LRRC26: variants seen among roughly 807,000 people sequenced by gnomAD.
LRRC26 encodes the protein leucine rich repeat containing 26.
In LRRC26, 17 loss-of-function variants were observed where a neutral mutation model predicts 15.3. The observed-to-expected ratio is 1.11, with a 90% CI of 0.76 to 1.66. The LOEUF is 1.66. Among genes scored for constraint, LRRC26 ranks in the 40% most tolerant of loss-of-function variants. The pLI, the probability that LRRC26 is intolerant of heterozygous loss-of-function variation, is 0.00. For missense variants in LRRC26, 573 were observed against 501.0 expected (o/e 1.14, Z -1.37); for synonymous variants, 301 against 272.1 (o/e 1.11, Z -1.05).
In LRRC26 at chr9:137,169,635, G is replaced by C. The variant is rs768322714; in HGVS notation, c.309C>G (p.Arg103=). 2.8e-5 allele frequency: 43 copies of C among 1,513,576 alleles called. No homozygotes were observed. The highest frequency in any genetic ancestry group is 3.6e-5 in the Non-Finnish European group (41 of 1,137,542). The allele number at this position is 1,513,576 out of a possible 1,614,324, so 93.8% of individuals were successfully genotyped here. Reference sequence around the variant, plus strand: ...CATGCACCGAGTGCAGCCCGTTCTCGCGCAGGTCCAGGCGCTGTAGCGCGC... The same window carrying C: ...CATGCACCGAGTGCAGCCCGTTCTCCCGCAGGTCCAGGCGCTGTAGCGCGC... ...GAGALQRLDL[R]ENGLHSVHVR... The change falls in exon 1 of 2, where the codon CGC becomes CGG. Residue 103 remains arginine (R), a synonymous_variant. Transcript: ENST00000371542.
chr9:137,169,952 C>T lies in LRRC26; in HGVS notation c.-9G>A, dbSNP rs965425138. 4.3e-6 allele frequency: 6 copies of T among 1,403,604 alleles called. No homozygotes were observed. Among genetic ancestry groups the T allele is most frequent in the East Asian group, 3.0e-5 (1 of 33,072 alleles). 86.9% of individuals were successfully genotyped at this position (1,403,604 alleles called of 1,614,324 possible). A position where few individuals can be genotyped will look rare whatever the true frequency, so the allele number is the denominator to read the frequency against. On this transcript the variant is annotated 5_prime_UTR_variant, in exon 1 of 2. Transcript: ENST00000371542. The stretch of plus-strand genomic sequence containing the variant: ...CAGGAAGGGCCCCGCATGGGGGCAG[C>T]CCCCCCGCCCCCGGCACCCGCGGTG...
In LRRC26 at chr9:137,168,920, A is replaced by G. The variant is rs1202332264; in HGVS notation, c.939T>C (p.Asp313=). Residue 313 remains aspartate, a synonymous_variant, in exon 2 of 2, where the codon GAT becomes GAC. Transcript: ENST00000371542. Reference sequence around the variant, plus strand: ...GCGAGGCACAGCCGTGGGGGTCGGGATCGGGGTTCGGGTCTGGCGGTCTCG... The same window carrying G: ...GCGAGGCACAGCCGTGGGGGTCGGGGTCGGGGTTCGGGTCTGGCGGTCTCG... ...RPPRPPDPNP[D]PDPHGCASPA... is the part of the protein sequence containing the mutation. The G allele has an allele frequency of 7.5e-7, 1 of 1,341,394 alleles. No individual in the cohort carries two copies. Among genetic ancestry groups the G allele is most frequent in the Middle Eastern group, 2.7e-4 (1 of 3,662 alleles). The allele number at this position is 1,341,394 out of a possible 1,614,324, so 83.1% of individuals were successfully genotyped here.
chr9:137,168,948 G>A lies in LRRC26; in HGVS notation c.911C>T (p.Pro304Leu), dbSNP rs1834017875. ...GGGGTTCGGGTCTGGCGGTCTCGGC[G>A]GGCGGAGGGCGGCGGTGCGGAGGCG... ...RRRLRTAALR[P>L]PRPPDPNPDP... The change falls in exon 2 of 2, where the codon CCG becomes CTG. Residue 304 changes from proline to leucine, a missense_variant. Transcript: ENST00000371542. 4.3e-6 allele frequency: 6 copies of A among 1,387,318 alleles called. No individual in the cohort carries two copies. Among genetic ancestry groups the A allele is most frequent in the Non-Finnish European group, 3.7e-6 (4 of 1,078,158 alleles). The allele number at this position is 1,387,318 out of a possible 1,614,324, so 85.9% of individuals were successfully genotyped here.
chr9:137,169,263 C>T lies in LRRC26; in HGVS notation c.673+8G>A. On this transcript the variant is annotated splice_region_variant and intron_variant, in intron 1 of 1. Coordinates refer to ENST00000371542, the MANE Select transcript of LRRC26 (RefSeq NM_001013653.3). The stretch of plus-strand genomic sequence containing the variant: ...TGCAGACCCCGACCCGCGTCCCCAG[C>T]AGCTCACCTGACGCGGGCAGCGGGT... 7.3e-7 allele frequency: 1 copy of T among 1,373,186 alleles called. No homozygotes were observed. The highest frequency in any genetic ancestry group is 9.3e-7 in the Non-Finnish European group (1 of 1,071,634). The allele number at this position is 1,373,186 out of a possible 1,614,324, so 85.1% of individuals were successfully genotyped here. A position where few individuals can be genotyped will look rare whatever the true frequency, so the allele number is the denominator to read the frequency against.
Position 137,169,026 on chromosome 9 carries a change from GC to G in LRRC26, c.832del (p.Ala278LeufsTer?). On this transcript the variant is annotated frameshift_variant, in exon 2 of 2. Coordinates refer to ENST00000371542, the MANE Select transcript of LRRC26 (RefSeq NM_001013653.3). LOFTEE classifies it low-confidence loss of function (END_TRUNC). ...LGPASFLVSL[A>X]SCLALGSGLT... Reference sequence around the variant, plus strand: ...CCCAGAGCCCAGCGCCAGGCAGGAAGCCAGGCTGACGAGGAAGGAGGCCGGC... The same window carrying G: ...CCCAGAGCCCAGCGCCAGGCAGGAAGCAGGCTGACGAGGAAGGAGGCCGGC... The G allele has an allele frequency of 6.6e-7, 1 of 1,520,224 alleles. No individual in the cohort carries two copies. The highest frequency in any genetic ancestry group is 8.8e-7 in the Non-Finnish European group (1 of 1,140,922). The allele number at this position is 1,520,224 out of a possible 1,614,324, so 94.2% of individuals were successfully genotyped here.
At position 137,169,356 on chromosome 9, in the gene LRRC26, C is replaced by A; in HGVS notation, c.588G>T (p.Leu196=). 1 of 1,470,932 alleles carries A rather than the reference C, an allele frequency of 6.8e-7. No individual in the cohort carries two copies. Among genetic ancestry groups the A allele is most frequent in the Non-Finnish European group, 8.9e-7 (1 of 1,120,218 alleles). The allele number at this position is 1,470,932 out of a possible 1,614,324, so 91.1% of individuals were successfully genotyped here. ...AGCCCCAAGGGTTGCCGCGCAGGTGCAGCGCGTCTAGAGCGGGCAGGCGGC... is the reference window on the plus strand; with the variant it reads ...AGCCCCAAGGGTTGCCGCGCAGGTGAAGCGCGTCTAGAGCGGGCAGGCGGC... ...LLGRLPALDA[L]HLRGNPWGCG... Residue 196 remains leucine, a synonymous_variant, in exon 1 of 2, where the codon CTG becomes CTT. Transcript: ENST00000371542.
Position 137,169,628 on chromosome 9 carries a change from C to T in LRRC26, c.316G>A (p.Gly106Arg). 6.6e-7 allele frequency: 1 copy of T among 1,514,968 alleles called. No homozygotes were observed. The highest frequency in any genetic ancestry group is 2.7e-5 in the East Asian group (1 of 37,508). 93.8% of individuals were successfully genotyped at this position (1,514,968 alleles called of 1,614,324 possible). A position where few individuals can be genotyped will look rare whatever the true frequency, so the allele number is the denominator to read the frequency against. The change falls in exon 1 of 2, where the codon GGG becomes AGG. Residue 106 changes from glycine (G) to arginine (R), a missense_variant. Gly to Arg is a moderately radical substitution (Grantham distance 125). Coordinates refer to ENST00000371542, the MANE Select transcript of LRRC26 (RefSeq NM_001013653.3). ...ALQRLDLREN[G>R]LHSVHVRAFW... ...GCTCGCACATGCACCGAGTGCAGCC[C>T]GTTCTCGCGCAGGTCCAGGCGCTGT...
Position 137,169,913 on chromosome 9 carries a change from G to A in LRRC26, c.31C>T (p.Pro11Ser), listed in dbSNP as rs1408052986. Residue 11 changes from proline (P) to serine (S), a missense_variant, in exon 1 of 2, where the codon CCG (proline) becomes TCG (serine). Pro to Ser is a moderately conservative substitution (Grantham distance 74). Coordinates refer to ENST00000371542, the MANE Select transcript of LRRC26 (RefSeq NM_001013653.3). MRGPSWSRPR[P>S]LLLLLLLLSP... is the part of the protein sequence containing the mutation. ...AGCAGCAGCAACAGCAGCAGCAGCG[G>A]CCGAGGCCGCGACCAGGAAGGGCCC... 1.4e-6 allele frequency: 2 copies of A among 1,471,118 alleles called. No individual in the cohort carries two copies. Among genetic ancestry groups the A allele is most frequent in the Non-Finnish European group, 1.8e-6 (2 of 1,120,944 alleles). 91.1% of individuals were successfully genotyped at this position (1,471,118 alleles called of 1,614,324 possible). A position where few individuals can be genotyped will look rare whatever the true frequency, so the allele number is the denominator to read the frequency against.
chr9:137,169,818 G>A lies in LRRC26; in HGVS notation c.126C>T (p.Asp42=). Reference sequence around the variant, plus strand: ...GCACGCACGTGCACACCTCGGGGCAGTCCGGGGCGCCCAGGGACCCCGAGG... The same window carrying A: ...GCACGCACGTGCACACCTCGGGGCAATCCGGGGCGCCCAGGGACCCCGAGG... ...ASPSGSLGAP[D]CPEVCTCVPG... is the part of the protein sequence containing the mutation. The change falls in exon 1 of 2, where the codon GAC becomes GAT. Residue 42 remains aspartate, a synonymous_variant. Coordinates refer to ENST00000371542, the MANE Select transcript of LRRC26 (RefSeq NM_001013653.3). 7.0e-7 allele frequency: 1 copy of A among 1,434,882 alleles called. No individual in the cohort carries two copies. The highest frequency in any genetic ancestry group is 9.0e-7 in the Non-Finnish European group (1 of 1,106,634). The allele number at this position is 1,434,882 out of a possible 1,614,324, so 88.9% of individuals were successfully genotyped here. A position where few individuals can be genotyped will look rare whatever the true frequency, so the allele number is the denominator to read the frequency against.
rs767389948 is a variant in LRRC26 at position 137,169,476 on chromosome 9, C to T, written c.468G>A (p.Ala156=). ...CGCCTAGCGCCGCGGGCTCCAGGCG[C>T]GCCAGCCGGTTGCCGGCCAATGAGA... ...RNLSLAGNRL[A]RLEPAALGAL... The change falls in exon 1 of 2, where the codon GCG becomes GCA. Residue 156 remains alanine, a synonymous_variant. Coordinates refer to ENST00000371542, the MANE Select transcript of LRRC26 (RefSeq NM_001013653.3). 9.9e-6 allele frequency: 15 copies of T among 1,520,566 alleles called. No homozygotes were observed. In the South Asian group the frequency reaches 1.7e-4, roughly 17 times the overall value. The allele number at this position is 1,520,566 out of a possible 1,614,324, so 94.2% of individuals were successfully genotyped here. A position where few individuals can be genotyped will look rare whatever the true frequency, so the allele number is the denominator to read the frequency against.
Position 137,169,838 on chromosome 9 carries a change from C to CCGAGGG in LRRC26, c.100_105dup (p.Pro34_Ser35dup). 2.7e-6 allele frequency: 4 copies of CCGAGGG among 1,460,230 alleles called. No homozygotes were observed. Among genetic ancestry groups the CCGAGGG allele is most frequent in the Non-Finnish European group, 3.6e-6 (4 of 1,117,150 alleles). 90.5% of individuals were successfully genotyped at this position (1,460,230 alleles called of 1,614,324 possible). On this transcript the variant is annotated inframe_insertion, in exon 1 of 2. Coordinates refer to ENST00000371542, the MANE Select transcript of LRRC26 (RefSeq NM_001013653.3). ...GGGCAGTCCGGGGCGCCCAGGGACC[C>CCGAGGG]CGAGGGCGAGGCCGTGGCCGACACC...
chr9:137,169,371 G>C lies in LRRC26; in HGVS notation c.573C>G (p.Pro191=). The C allele has an allele frequency of 6.7e-7, 1 of 1,484,488 alleles. No individual in the cohort carries two copies. The highest frequency in any genetic ancestry group is 2.9e-5 in the East Asian group (1 of 34,980). 92.0% of individuals were successfully genotyped at this position (1,484,488 alleles called of 1,614,324 possible). The change falls in exon 1 of 2, where the codon CCC becomes CCG. Residue 191 remains proline (P), a synonymous_variant. Coordinates refer to ENST00000371542, the MANE Select transcript of LRRC26 (RefSeq NM_001013653.3). The part of the protein sequence containing the change: ...ALAPGLLGRL[P]ALDALHLRGN... ...CGCGCAGGTGCAGCGCGTCTAGAGC[G>C]GGCAGGCGGCCCAGCAGCCCCGGCG...
In LRRC26 at chr9:137,169,404, C is replaced by T. The variant is rs112418895; in HGVS notation, c.540G>A (p.Ala180=). The T allele has an allele frequency of 1.1e-5, 17 of 1,506,254 alleles. No homozygotes were observed. Among genetic ancestry groups the T allele is most frequent in the African/African-American group, 8.7e-5 (6 of 69,000 alleles). 93.3% of individuals were successfully genotyped at this position (1,506,254 alleles called of 1,614,324 possible). The change falls in exon 1 of 2, where the codon GCG becomes GCA. Residue 180 remains alanine (A), a synonymous_variant. Coordinates refer to ENST00000371542, the MANE Select transcript of LRRC26 (RefSeq NM_001013653.3). ...RSLSLQDNEL[A]ALAPGLLGRL... The stretch of plus-strand genomic sequence containing the variant: ...GGCCCAGCAGCCCCGGCGCGAGTGC[C>T]GCCAGCTCGTTGTCCTGCAGGCTGA...
At position 137,169,636 on chromosome 9, in the gene LRRC26, C is replaced by T. The variant is rs959028314; in HGVS notation, c.308G>A (p.Arg103His). The T allele has an allele frequency of 6.6e-7, 1 of 1,513,448 alleles. No homozygotes were observed. The highest frequency in any genetic ancestry group is 8.8e-7 in the Non-Finnish European group (1 of 1,137,434). The allele number at this position is 1,513,448 out of a possible 1,614,324, so 93.8% of individuals were successfully genotyped here. Residue 103 changes from arginine (R) to histidine (H), a missense_variant, in exon 1 of 2, where the codon CGC (arginine) becomes CAC (histidine). Transcript: ENST00000371542. Reference protein sequence around the residue: ...GAGALQRLDLRENGLHSVHVR... With the variant: ...GAGALQRLDLHENGLHSVHVR... ...ATGCACCGAGTGCAGCCCGTTCTCG[C>T]GCAGGTCCAGGCGCTGTAGCGCGCC...
At position 137,169,290 on chromosome 9, in the gene LRRC26, C is replaced by T; in HGVS notation, c.654G>A (p.Arg218=). 1.4e-6 allele frequency: 2 copies of T among 1,385,784 alleles called. No individual in the cohort carries two copies. The highest frequency in any genetic ancestry group is 1.6e-5 in the South Asian group (1 of 62,576). The allele number at this position is 1,385,784 out of a possible 1,614,324, so 85.8% of individuals were successfully genotyped here. ...GCTCACCTGACGCGGGCAGCGGGTG[C>T]CGGCGCAGCCAGGCGCAGAGCGGGC... ...ALRPLCAWLR[R]HPLPASEAET... The change falls in exon 1 of 2, where the codon CGG becomes CGA. Residue 218 remains arginine (R), a synonymous_variant. Coordinates refer to ENST00000371542, the MANE Select transcript of LRRC26 (RefSeq NM_001013653.3).
Position 137,169,542 on chromosome 9 carries a change from C to A in LRRC26, c.402G>T (p.Leu134=). Residue 134 remains leucine (L), a synonymous_variant, in exon 1 of 2, where the codon CTG becomes CTT. Transcript: ENST00000371542. ...LDLSANQLEA[L]APGTFAPLRA... The stretch of plus-strand genomic sequence containing the variant: ...GCAGCGGCGCGAAAGTCCCTGGTGC[C>A]AGTGCTTCCAGCTGGTTGGCGCTCA... 1 of 1,524,694 alleles carries A rather than the reference C, an allele frequency of 6.6e-7. No individual in the cohort carries two copies. Among genetic ancestry groups the A allele is most frequent in the Non-Finnish European group, 8.8e-7 (1 of 1,142,368 alleles). 94.4% of individuals were successfully genotyped at this position (1,524,694 alleles called of 1,614,324 possible). A position where few individuals can be genotyped will look rare whatever the true frequency, so the allele number is the denominator to read the frequency against.
In LRRC26 at chr9:137,169,765, A is replaced by AGC; in HGVS notation, c.178_179insGC (p.Leu60ArgfsTer11). ...GCCCGGGGGCACGGCGGGCAGCGAG[A>AGC]GTGCCGAGCAGCTGGCCAGGCCTCC... On this transcript the variant is annotated frameshift_variant, in exon 1 of 2. Transcript: ENST00000371542. LOFTEE classifies it high-confidence loss of function. 1 of 1,395,200 alleles carries AGC rather than the reference A, an allele frequency of 7.2e-7. No homozygotes were observed. Among genetic ancestry groups the AGC allele is most frequent in the Non-Finnish European group, 9.2e-7 (1 of 1,085,684 alleles). 86.4% of individuals were successfully genotyped at this position (1,395,200 alleles called of 1,614,324 possible). A position where few individuals can be genotyped will look rare whatever the true frequency, so the allele number is the denominator to read the frequency against.
chr9:137,168,934 C>G lies in LRRC26; in HGVS notation c.925G>C (p.Asp309His). Residue 309 changes from aspartate to histidine, a missense_variant, in exon 2 of 2, where the codon GAC (aspartate) becomes CAC (histidine). Asp to His is a moderately conservative substitution (Grantham distance 81). Transcript: ENST00000371542. ...TGGGGGTCGGGATCGGGGTTCGGGT[C>G]TGGCGGTCTCGGCGGGCGGAGGGCG... ...TAALRPPRPP[D>H]PNPDPDPHGC... is the part of the protein sequence containing the mutation. The G allele has an allele frequency of 7.2e-7, 1 of 1,388,782 alleles. No homozygotes were observed. Among genetic ancestry groups the G allele is most frequent in the Non-Finnish European group, 9.3e-7 (1 of 1,079,086 alleles). 86.0% of individuals were successfully genotyped at this position (1,388,782 alleles called of 1,614,324 possible).
Position 137,168,931 on chromosome 9 carries a change from G to C in LRRC26, c.928C>G (p.Pro310Ala), listed in dbSNP as rs1308858508. ...AALRPPRPPDPNPDPDPHGCA... is the reference protein window; with the variant it reads ...AALRPPRPPDANPDPDPHGCA... ...CCGTGGGGGTCGGGATCGGGGTTCG[G>C]GTCTGGCGGTCTCGGCGGGCGGAGG... is the stretch of plus-strand genomic sequence containing the variant. The change falls in exon 2 of 2, where the codon CCG becomes GCG. Residue 310 changes from proline to alanine, a missense_variant. Transcript: ENST00000371542. 2.2e-6 allele frequency: 3 copies of C among 1,386,302 alleles called. No homozygotes were observed. The highest frequency in any genetic ancestry group is 3.6e-5 in the Admixed American group (1 of 28,120). The allele number at this position is 1,386,302 out of a possible 1,614,324, so 85.9% of individuals were successfully genotyped here.
Sources: allele counts gnomAD v4.1 joint callset, GRCh38; gene constraint gnomAD v4.1.1; transcripts MANE v1.5; gene names NCBI Gene and HGNC (gene_info 2026-07-23, HGNC 2026-07-21).